The following TARS3 variants were observed in gnomAD, a reference collection of about 807,000 sequenced individuals.
The protein encoded by TARS3 is threonine--tRNA ligase 2, cytoplasmic.
Under a neutral mutation model 103.5 loss-of-function variants are expected in TARS3, and 94 were observed. The ratio of observed to expected loss-of-function variants is 0.91; its 90% CI spans 0.77 to 1.08. TARS3 has a LOEUF of 1.08. Ranked by LOEUF, TARS3 falls within the 50% of genes least tolerant of loss-of-function variation. The pLI, the probability that TARS3 is intolerant of heterozygous loss-of-function variation, is 0.00. For missense variants in TARS3, 952 were observed against 995.2 expected (o/e 0.96, Z 0.58); for synonymous variants, 416 against 355.4 (o/e 1.17, Z -1.92).
At chr15:101,693,733 C>T (rs551366965) in intron 10 of TARS3, among the ~76,000 whole-genome samples, 4 of 152,180 alleles carry the variant, frequency 2.6e-5, no homozygotes, top group African/African-American at 9.6e-5. Flanking sequence ...AGCAGAGGCC[C>T]GCTGGGGACA....
At chr15:101,702,121 G>A in intron 9 of TARS3, 118 bp downstream of exon 9, 1 of 1,275,164 alleles carries the variant, frequency 7.8e-7, no homozygotes, top group African/African-American at 1.5e-5. Flanking sequence ...GTGAGTGCCA[G>A]CAAAATAGGA....
intron 3 of TARS3, among the ~76,000 whole-genome samples, chr15:101,718,496 T>G (rs1159325264): frequency 6.6e-6 from 1 of 152,138 alleles, no homozygotes; most frequent in Non-Finnish European, 1.5e-5. Context: ...GTAATTCAAC[T>G]GACTAAAAGT....
chr15:101,675,203 G>T (rs1040786985), intron 13 of TARS3, among the ~76,000 whole-genome samples: 2 of 152,120 alleles, frequency 1.3e-5, no homozygotes, highest in African/African-American at 4.8e-5. Flanking sequence ...CTACGAAGGG[G>T]ACTATGCACA....
At chr15:101,692,264 C>T (rs1898762443) in intron 10 of TARS3, among the ~76,000 whole-genome samples, 3 of 152,072 alleles carry the variant, frequency 2.0e-5, no homozygotes, top group Admixed American at 6.5e-5. Flanking sequence ...GGCCTCTCCT[C>T]CACGGCTCCA....
chr15:101,701,264 T>C, intron 9 of TARS3, 80 bp from the exon 10 acceptor site: 1 of 780,938 alleles, frequency 1.3e-6, no homozygotes. Flanking sequence ...AATACTCAGT[T>C]ATTTCCATCT....
chr15:101,661,757 A>G lies in TARS3; in HGVS notation c.2027T>C (p.Val676Ala). The G allele has an allele frequency of 1.2e-6, 2 of 1,608,184 alleles. No homozygotes were observed. Among genetic ancestry groups the G allele is most frequent in the South Asian group, 2.2e-5 (2 of 90,092 alleles). Residue 676 changes from valine (V) to alanine (A), a missense_variant, in exon 16 of 19, where the codon GTG becomes GCG. By Grantham distance (64) the Val-to-Ala change is moderately conservative. This residue lies in a region of TARS3 where 540 missense variants were observed against 631.0 expected (regional missense o/e 0.86). Coordinates refer to ENST00000335968, the MANE Select transcript of TARS3 (RefSeq NM_152334.3). The stretch of plus-strand genomic sequence containing the variant: ...TGAAAGAATGGCTATCATTCTTTCC[A>G]CTGATCCCAAAATGGCTCGATGAAT... The part of the protein sequence containing the change: ...VIIHRAILGS[V>A]ERMIAILSEN...
At chr15:101,671,797 T>G (rs1897818061) in intron 13 of TARS3, 49 bp from the exon 14 acceptor site, 3 of 1,481,728 alleles carry the variant, frequency 2.0e-6, no homozygotes, top group Non-Finnish European at 2.8e-6. Flanking sequence ...TATCTTTTTT[T>G]TTTACATACA....
intron 11 of TARS3, among the ~76,000 whole-genome samples, chr15:101,685,083 A>G (rs1898411138): frequency 6.6e-6 from 1 of 152,212 alleles, no homozygotes; most frequent in South Asian, 2.1e-4. Context: ...ACATCATCAT[A>G]AAGTTAAATT....
At chr15:101,711,754 C>T (rs1237070186) in intron 5 of TARS3, 126 bp downstream of exon 5, 15 of 1,109,766 alleles carry the variant, frequency 1.4e-5, no homozygotes, top group East Asian at 7.8e-5. Context: ...ACTGCATGGG[C>T]GTCGGTGCCC....
At chr15:101,659,269 T>C (rs899204397) in intron 16 of TARS3, among the ~76,000 whole-genome samples, 6 of 152,208 alleles carry the variant, frequency 3.9e-5, no homozygotes, top group Admixed American at 1.3e-4. Flanking sequence ...GAGGACTATT[T>C]CAGATAGCAT....
At chr15:101,710,304 A>C (rs968698637) in intron 5 of TARS3, among the ~76,000 whole-genome samples, 1 of 152,146 alleles carries the variant, frequency 6.6e-6, no homozygotes, top group Non-Finnish European at 1.5e-5. Context: ...ATCCATTATA[A>C]TACACTGGTA....
At chr15:101,722,035 C>T (rs1449218965) in intron 2 of TARS3, among the ~76,000 whole-genome samples, 1 of 152,128 alleles carries the variant, frequency 6.6e-6, no homozygotes, top group African/African-American at 2.4e-5. Context: ...CACTAGCTTA[C>T]GTGTATTAAA....
chr15:101,654,300 G>A lies in TARS3; in HGVS notation c.*282C>T, dbSNP rs1897118470. On this transcript the variant is annotated 3_prime_UTR_variant, in exon 19 of 19. Coordinates refer to ENST00000335968, the MANE Select transcript of TARS3 (RefSeq NM_152334.3). ...ACTAACATTTCATAATCATTTCCTA[G>A]TGTTTTGTTTCACTTTCTCGATGAA... 9.7e-6 allele frequency: 3 copies of A among 308,912 alleles called. No homozygotes were observed. The highest frequency in any genetic ancestry group is 5.9e-5 in the East Asian group (1 of 16,836). 19.1% of individuals were successfully genotyped at this position (308,912 alleles called of 1,614,324 possible). A position where few individuals can be genotyped will look rare whatever the true frequency, so the allele number is the denominator to read the frequency against.
rs749719332 is a variant in TARS3 at position 101,675,645 on chromosome 15, C to T, written c.1743G>A (p.Pro581=). ...FSFQLNLSTR[P]ENFLGEIEMW... is the part of the protein sequence containing the mutation. ...TCTCAATCTCTCCTAGGAAGTTTTC[C>T]GGCCTTGTTGACAGGTTTAATTGAA... The change falls in exon 13 of 19, where the codon CCG becomes CCA. Residue 581 remains proline (P), a synonymous_variant. Transcript: ENST00000335968. The T allele has an allele frequency of 1.2e-5, 20 of 1,614,066 alleles. No individual in the cohort carries two copies. Among genetic ancestry groups the T allele is most frequent in the South Asian group, 7.7e-5 (7 of 91,070 alleles).
chr15:101,692,122 GA>G (rs1249185037), intron 10 of TARS3, among the ~76,000 whole-genome samples: 1 of 152,244 alleles, frequency 6.6e-6, no homozygotes, highest in Admixed American at 6.5e-5. Context: ...GATTGGGTCT[GA>G]CCAATGGGAA....
intron 10 of TARS3, among the ~76,000 whole-genome samples, chr15:101,687,726 T>C (rs918182633): frequency 3.9e-5 from 6 of 152,160 alleles, no homozygotes; most frequent in African/African-American, 1.2e-4. Context: ...AATTGTGATA[T>C]TGATACCTTA....
intron 10 of TARS3, among the ~76,000 whole-genome samples, chr15:101,694,956 C>T (rs1252303613): frequency 1.3e-5 from 2 of 152,090 alleles, no homozygotes; most frequent in Non-Finnish European, 2.9e-5. Flanking sequence ...ATGACAAAGT[C>T]CTGGCGAGTT....
chr15:101,693,267 G>A (rs1037538052), intron 10 of TARS3, among the ~76,000 whole-genome samples: 6 of 152,158 alleles, frequency 3.9e-5, no homozygotes, highest in Middle Eastern at 3.2e-3. Flanking sequence ...TGGCTGGTGG[G>A]GGGGCCTCAC....
rs1900673007 is a variant in TARS3, at chr15:101,724,412, C to T, written c.-25G>A. 1 of 1,385,796 alleles carries T rather than the reference C, an allele frequency of 7.2e-7. No homozygotes were observed. The highest frequency in any genetic ancestry group is 1.5e-5 in the African/African-American group (1 of 66,156). The allele number at this position is 1,385,796 out of a possible 1,614,324, so 85.8% of individuals were successfully genotyped here. ...TCGCGGCCTCCCTCAGGCACCGACG[C>T]CGAGCGGGGTGCCCGCGACTGCGGC... On this transcript the variant is annotated 5_prime_UTR_variant, in exon 1 of 19. Transcript: ENST00000335968.
Sources: gnomAD v4.1 joint callset for allele counts (sites outside exome capture counted in the v4.1 genomes callset) on GRCh38, gnomAD v4.1.1 for gene constraint, gnomAD v4.1.1 regional missense constraint, MANE v1.5 for transcripts, NCBI Gene and HGNC (gene_info 2026-07-23, HGNC 2026-07-21) for gene names.